FARP2: variants seen among roughly 807,000 people sequenced by gnomAD.
FARP2 encodes FERM, ARH/RhoGEF and pleckstrin domain protein 2.
In FARP2, 111 loss-of-function variants were observed where a neutral mutation model predicts 130.5. That is an observed-to-expected ratio of 0.85 (90% CI 0.73 to 1.00). The LOEUF is 1.00. Ranked by LOEUF, FARP2 falls within the 50% of genes least tolerant of loss-of-function variation. The pLI, the probability that FARP2 is intolerant of heterozygous loss-of-function variation, is 0.00. For missense variants in FARP2, 1,385 were observed against 1,346.3 expected, an observed-to-expected ratio of 1.03 and a Z score of -0.45; for synonymous variants, 504 against 516.9, an observed-to-expected ratio of 0.98 and a Z score of 0.34.
At chr2:241,474,773 CAG>C (rs1342772457) in intron 18 of FARP2, among the ~76,000 whole-genome samples, 4 of 150,676 alleles carry the variant, frequency 2.7e-5, no homozygotes, top group African/African-American at 9.8e-5. Context: ...GCCTGGGAGA[CAG>C]AGTGAGACCC....
In FARP2 at chr2:241,403,881, G is replaced by T; in HGVS notation, c.237G>T (p.Leu79=). 2 of 1,613,844 alleles carry T rather than the reference G, an allele frequency of 1.2e-6. No individual in the cohort carries two copies. The highest frequency in any genetic ancestry group is 1.7e-6 in the Non-Finnish European group (2 of 1,179,754). ...LLTQVWKRLN[L]VECDYFGMEF... ...CACAAGTGTGGAAGCGTTTAAACCT[G>T]GTAGAATGTGACTACTTCGGGATGG... The change falls in exon 3 of 27, where the codon CTG becomes CTT. Residue 79 remains leucine, a synonymous_variant. Transcript: ENST00000264042.
In FARP2 at chr2:241,462,600, A is replaced by C; in HGVS notation, c.1665A>C (p.Glu555Asp). 1 of 1,609,230 alleles carries C rather than the reference A, an allele frequency of 6.2e-7. No homozygotes were observed. The highest frequency in any genetic ancestry group is 8.5e-7 in the Non-Finnish European group (1 of 1,175,522). Residue 555 changes from glutamate (E) to aspartate (D), a missense_variant, in exon 15 of 27, where the codon GAA becomes GAC. By Grantham distance (45) the Glu-to-Asp change is conservative. Transcript: ENST00000264042. ...ATERTYLKDL[E>D]VITVWFRSAV... is the part of the protein sequence containing the mutation. ...AACGAACATACCTCAAGGATTTAGAAGTTATTACCGTGGTACGAAAGTCCT... is the reference window on the plus strand; with the variant it reads ...AACGAACATACCTCAAGGATTTAGACGTTATTACCGTGGTACGAAAGTCCT...
rs746680140 is a variant in FARP2, at chr2:241,484,264, C to A, written c.2354C>A (p.Thr785Lys). The A allele has an allele frequency of 3.1e-6, 5 of 1,614,154 alleles. No homozygotes were observed. In the East Asian group the frequency reaches 1.1e-4, roughly 36 times the overall value. ...FFLFSDMLLY[T>K]SKGVAGTSHF... ...CAGTTCTCAGATATGTTGCTGTACA[C>A]AAGCAAAGGAGTTGCAGGGACCAGC... Residue 785 changes from threonine to lysine, a missense_variant, in exon 21 of 27, where the codon ACA becomes AAA. Physicochemically the swap from Thr to Lys is moderately conservative, Grantham distance 78. Coordinates refer to ENST00000264042, the MANE Select transcript of FARP2 (RefSeq NM_014808.4).
Position 241,466,567 on chromosome 2 carries a change from T to C in FARP2, c.1894-1573T>C, listed in dbSNP as rs988939146. 8 of 985,220 alleles carry C rather than the reference T, an allele frequency of 8.1e-6. No individual in the cohort carries two copies. The African/African-American group carries it at 1.2e-4, about 15-fold the overall frequency. 61.0% of individuals were successfully genotyped at this position (985,220 alleles called of 1,614,324 possible). On this transcript the variant is annotated intron_variant, in intron 17 of 26. Coordinates refer to ENST00000264042, the MANE Select transcript of FARP2 (RefSeq NM_014808.4). ...GGGCTTGGCCACTTCCACCTCCCGC[T>C]AGAAGCCTAGCGAGTGTGGATGCAT...
intron 12 of FARP2, among the ~76,000 whole-genome samples, chr2:241,436,961 G>C (rs1028470294): frequency 1.3e-5 from 2 of 152,204 alleles, no homozygotes; most frequent in African/African-American, 4.8e-5. Context: ...ACTCCAGCCT[G>C]GATGACAGAA....
At chr2:241,464,120 C>G (rs1244701863) in intron 17 of FARP2, 140 bp downstream of exon 17, 1 of 665,180 alleles carries the variant, frequency 1.5e-6, no homozygotes, top group Non-Finnish European at 2.6e-6. Flanking sequence ...AGTAGGGTCT[C>G]CTTAGAACAG....
intron 18 of FARP2, among the ~76,000 whole-genome samples, chr2:241,473,499 C>G (rs2064371211): frequency 6.6e-6 from 1 of 152,168 alleles, no homozygotes; most frequent in Admixed American, 6.5e-5. Context: ...TGTATAGGAT[C>G]ATTATCGTGC....
At chr2:241,408,550 A>G (rs938349596) in intron 5 of FARP2, among the ~76,000 whole-genome samples, 21 of 152,120 alleles carry the variant, frequency 1.4e-4, no homozygotes, top group Admixed American at 1.4e-3. Flanking sequence ...TCAAAAAAAA[A>G]AAAAAAGAAA....
intron 2 of FARP2, among the ~76,000 whole-genome samples, chr2:241,378,107 TTA>T (rs1227777041): frequency 6.6e-6 from 1 of 151,864 alleles, no homozygotes; most frequent in African/African-American, 2.4e-5. Flanking sequence ...TTTTATTTTA[TTA>T]TTTTTTTTTT....
At chr2:241,409,475 G>A (rs1328123115) in intron 5 of FARP2, among the ~76,000 whole-genome samples, 2 of 152,160 alleles carry the variant, frequency 1.3e-5, no homozygotes, top group Non-Finnish European at 2.9e-5. Context: ...CTTGAGCCCA[G>A]GAGGTTGAGG....
At chr2:241,462,798 T>C (rs1412152975) in intron 15 of FARP2, among the ~76,000 whole-genome samples, 186 bp downstream of exon 15, 1 of 152,172 alleles carries the variant, frequency 6.6e-6, no homozygotes, top group Non-Finnish European at 1.5e-5. Context: ...CAAGTGATTC[T>C]TCTGCCTCAG....
chr2:241,434,757 C>T (rs899112223), intron 10 of FARP2, among the ~76,000 whole-genome samples: 4 of 152,076 alleles, frequency 2.6e-5, no homozygotes, highest in Non-Finnish European at 5.9e-5. Flanking sequence ...GAGGCTGAGG[C>T]ATGAGAATCG....
Position 241,423,296 on chromosome 2 carries a change from G to A in FARP2, c.771+5187G>A, listed in dbSNP as rs181034882. On this transcript the variant is annotated intron_variant, in intron 8 of 26. Transcript: ENST00000264042. ...GAAACCCTACAAGCCAGAAGAGATT[G>A]GGGGCCAATATTCAACATTCTTAGG... Among the ~76,000 whole-genome samples, 321 of 152,320 alleles carry A rather than the reference G, an allele frequency of 2.1e-3. 1 individual carries two copies. The highest frequency in any genetic ancestry group is 7.4e-3 in the African/African-American group (308 of 41,570).
intron 13 of FARP2, chr2:241,442,760 C>T (rs2063419778): frequency 3.2e-6 from 1 of 312,078 alleles, no homozygotes; most frequent in Non-Finnish European, 6.3e-6. Flanking sequence ...GTACTCCAGC[C>T]AGTCCTCCTA....
intron 5 of FARP2, among the ~76,000 whole-genome samples, chr2:241,410,048 G>T (rs1220854403): frequency 6.6e-6 from 1 of 152,138 alleles, no homozygotes; most frequent in Non-Finnish European, 1.5e-5. Flanking sequence ...CAGGGGGTTG[G>T]TCTTGCTTAC....
intron 2 of FARP2, among the ~76,000 whole-genome samples, chr2:241,381,594 C>A (rs2061665166): frequency 6.6e-6 from 1 of 152,126 alleles, no homozygotes; most frequent in Non-Finnish European, 1.5e-5. Flanking sequence ...CTTCTGGGGG[C>A]ATTTTTCAGT....
At chr2:241,472,387 G>A (rs6712117) in intron 18 of FARP2, among the ~76,000 whole-genome samples, 4,611 of 150,992 alleles carry the variant, frequency 0.031, 233 homozygotes, top group African/African-American at 0.1. Flanking sequence ...ATTCTGAGGG[G>A]GATCCTGTTC....
chr2:241,443,908 G>A (rs186439826), intron 13 of FARP2: 1 of 152,326 alleles, frequency 6.6e-6, no homozygotes, highest in East Asian at 1.9e-4. Flanking sequence ...TGCCTGGATG[G>A]ATTTACTGTG....
intron 18 of FARP2, among the ~76,000 whole-genome samples, chr2:241,471,697 G>A (rs1247112762): frequency 2.6e-5 from 4 of 151,890 alleles, no homozygotes; most frequent in South Asian, 2.1e-4. Flanking sequence ...GGGTTTCACC[G>A]TGTTAGCCAG....
Sources: gnomAD v4.1 joint callset for allele counts (sites outside exome capture counted in the v4.1 genomes callset) on GRCh38, gnomAD v4.1.1 for gene constraint, MANE v1.5 for transcripts, NCBI Gene and HGNC (gene_info 2026-07-23, HGNC 2026-07-21) for gene names.